The following ZSCAN2 variants were observed in gnomAD, a reference collection of about 807,000 sequenced individuals.
The protein encoded by ZSCAN2 is zinc finger and SCAN domain-containing protein 2.
In ZSCAN2, 26 loss-of-function variants were observed where a neutral mutation model predicts 47.8. The ratio of observed to expected loss-of-function variants is 0.54; its 90% CI spans 0.40 to 0.75. The LOEUF (loss-of-function observed/expected upper bound fraction) is 0.75, where lower values mean the gene tolerates loss of function less well. Ranked by LOEUF, ZSCAN2 falls within the 30% of genes least tolerant of loss-of-function variation. ZSCAN2 has a pLI of 0.00. For missense variants in ZSCAN2, 732 were observed against 785.4 expected, an observed-to-expected ratio of 0.93 and a Z score of 0.81; for synonymous variants, 305 against 288.7, an observed-to-expected ratio of 1.06 and a Z score of -0.57.
chr15:84,606,596 C>G, intron 2 of ZSCAN2: 5 of 1,613,896 alleles, frequency 3.1e-6, no homozygotes, highest in Non-Finnish European at 2.5e-6. Context: ...GATCTCCAGT[C>G]AGATACTATG....
At chr15:84,618,522 A>G (rs932916656) in intron 2 of ZSCAN2, among the ~76,000 whole-genome samples, 2 of 152,142 alleles carry the variant, frequency 1.3e-5, no homozygotes, top group Non-Finnish European at 2.9e-5. Context: ...AATGTCATCA[A>G]CAACTTCCTG....
chr15:84,602,465 A>G (rs1895235332), intron 1 of ZSCAN2, among the ~76,000 whole-genome samples: 1 of 152,144 alleles, frequency 6.6e-6, no homozygotes, highest in South Asian at 2.1e-4. Context: ...GCCATTGCCA[A>G]ATGAAGATAT....
At chr15:84,613,794 G>T (rs1027335717) in intron 2 of ZSCAN2, among the ~76,000 whole-genome samples, 1 of 151,192 alleles carries the variant, frequency 6.6e-6, no homozygotes, top group African/African-American at 2.4e-5. Context: ...CGATTCTCCT[G>T]CCTTAGCCTC....
In ZSCAN2 at chr15:84,621,766, A is replaced by C. The variant is rs1408587928; in HGVS notation, c.1571A>C (p.His524Pro). The change falls in exon 3 of 3, where the codon CAC becomes CCC. Residue 524 changes from histidine to proline, a missense_variant. By Grantham distance (77) the His-to-Pro change is moderately conservative (BLOSUM62 -2). Around this residue, in one of 2 missense-constraint regions of ZSCAN2, gnomAD observed 412 missense variants for 498.0 expected, o/e 0.83. Transcript: ENST00000546148. The surrounding 1 kb of genome is among the most constrained non-coding windows in gnomAD (Gnocchi z 5.7). The stretch of plus-strand genomic sequence containing the variant: ...CAGCTCGTAGTGCACCAGCGGACCC[A>C]CACGGGCGAGAAGCCCTACAAATGC... ...RSQLVVHQRT[H>P]TGEKPYKCLM... The C allele has an allele frequency of 6.2e-7, 1 of 1,614,246 alleles. No individual in the cohort carries two copies. Among genetic ancestry groups the C allele is most frequent in the Non-Finnish European group, 8.5e-7 (1 of 1,180,032 alleles).
chr15:84,606,728 T>G, intron 2 of ZSCAN2: 1 of 1,419,100 alleles, frequency 7.0e-7, no homozygotes, highest in Non-Finnish European at 9.2e-7. Flanking sequence ...CCATCCACCT[T>G]GCAGCAGGGG....
intron 2 of ZSCAN2, among the ~76,000 whole-genome samples, chr15:84,610,597 C>T (rs560416048): frequency 1.3e-5 from 2 of 151,794 alleles, no homozygotes; most frequent in African/African-American, 4.8e-5. Flanking sequence ...AGTGATTCTC[C>T]TGCCTCAGCC....
At chr15:84,607,633 C>G (rs1895422421) in intron 2 of ZSCAN2, among the ~76,000 whole-genome samples, 1 of 152,128 alleles carries the variant, frequency 6.6e-6, no homozygotes, top group East Asian at 1.9e-4. Context: ...CTCAGCCTCC[C>G]AAGTAGCTGG....
At position 84,604,376 on chromosome 15, in the gene ZSCAN2, C is replaced by T. The variant is rs764173842; in HGVS notation, c.406+43C>T. The T allele has an allele frequency of 6.4e-6, 10 of 1,561,774 alleles. No individual in the cohort carries two copies. In the Admixed American group the frequency reaches 1.8e-4, roughly 29 times the overall value. On this transcript the variant is annotated intron_variant, in intron 2 of 2. Transcript: ENST00000546148. ...ATAGGGAGAGGGCGGGAGCACCCTT[C>T]CAAGGTAGAGGAGTGTGGTGTTTCG...
rs1264261640 is a variant in ZSCAN2, at chr15:84,604,243, A to T, written c.316A>T (p.Ile106Phe). The T allele has an allele frequency of 6.2e-7, 1 of 1,614,146 alleles. No individual in the cohort carries two copies. The highest frequency in any genetic ancestry group is 1.1e-5 in the South Asian group (1 of 91,082). Reference sequence around the variant, plus strand: ...GATGTTAACCATGCTGCCAAAGGAAATTCAGGCTTGGCTGCAAGAGCATCG... The same window carrying T: ...GATGTTAACCATGCTGCCAAAGGAATTTCAGGCTTGGCTGCAAGAGCATCG... ...EQMLTMLPKE[I>F]QAWLQEHRPE... Residue 106 changes from isoleucine (I) to phenylalanine (F), a missense_variant, in exon 2 of 3, where the codon ATT becomes TTT. This residue lies in a region of ZSCAN2 where 320 missense variants were observed against 287.4 expected (regional missense o/e 1.11). Transcript: ENST00000546148.
intron 2 of ZSCAN2, 78 bp from the exon 3 acceptor site, chr15:84,620,523 TA>T: frequency 1.5e-6 from 2 of 1,308,902 alleles, no homozygotes; most frequent in Non-Finnish European, 2.1e-6. Context: ...TTAATTTTTA[TA>T]AATTTCCCCC....
chr15:84,621,523 A>C lies in ZSCAN2; in HGVS notation c.1328A>C (p.Glu443Ala), dbSNP rs1225784390. The C allele has an allele frequency of 3.7e-6, 6 of 1,613,874 alleles. No individual in the cohort carries two copies. Among genetic ancestry groups the C allele is most frequent in the Admixed American group, 3.3e-5 (2 of 59,976 alleles). Residue 443 changes from glutamate to alanine, a missense_variant, in exon 3 of 3, where the codon GAG (glutamate) becomes GCG (alanine). Physicochemically the swap from Glu to Ala is moderately radical, Grantham distance 107. This residue lies in a region of ZSCAN2 where 412 missense variants were observed against 498.0 expected (regional missense o/e 0.83). Transcript: ENST00000546148. This position sits in a 1 kb window ranked among gnomAD's most constrained non-coding sequence, Gnocchi z 5.7. ...ACACACCGGAGAACCCACATGGTGG[A>C]GAAGCCCTATAAGTGTGGGGTGTGT... ...LATHRRTHMV[E>A]KPYKCGVCGK...
intron 2 of ZSCAN2, among the ~76,000 whole-genome samples, chr15:84,617,090 C>G (rs1437614537): frequency 6.6e-6 from 1 of 150,772 alleles, no homozygotes; most frequent in South Asian, 2.1e-4. Context: ...CCACTGCACT[C>G]CAGCCTGGGC....
chr15:84,613,479 C>T (rs565640329), intron 2 of ZSCAN2, among the ~76,000 whole-genome samples: 4 of 152,088 alleles, frequency 2.6e-5, no homozygotes, highest in Admixed American at 6.6e-5. Context: ...CGCCACCACA[C>T]CCAGCTAATT....
intron 2 of ZSCAN2, chr15:84,614,545 C>T (rs574578548): frequency 1.3e-5 from 2 of 152,286 alleles, no homozygotes; most frequent in African/African-American, 4.8e-5. Context: ...GGTGTTCACC[C>T]CTCTAGCAGT....
chr15:84,616,380 C>G (rs1240274425), intron 2 of ZSCAN2: 1 of 1,609,216 alleles, frequency 6.2e-7, no homozygotes, highest in South Asian at 1.1e-5. Flanking sequence ...CCTCTCTGAA[C>G]CAAAGAAGCC....
At chr15:84,605,309 T>C (rs1444552163) in intron 2 of ZSCAN2, among the ~76,000 whole-genome samples, 1 of 152,202 alleles carries the variant, frequency 6.6e-6, no homozygotes, top group Non-Finnish European at 1.5e-5. Context: ...GAGGGCTGTC[T>C]CAGGGCTCGA....
intron 2 of ZSCAN2, among the ~76,000 whole-genome samples, chr15:84,619,287 G>C (rs1281217223): frequency 6.6e-6 from 1 of 152,064 alleles, no homozygotes; most frequent in Non-Finnish European, 1.5e-5. Context: ...AAAATTAGCC[G>C]GGTGTGGTGG....
intron 1 of ZSCAN2, chr15:84,602,270 G>A (rs1747616515): frequency 1.3e-5 from 2 of 152,086 alleles, no homozygotes; most frequent in Admixed American, 1.3e-4. Flanking sequence ...TTTTTAAAGG[G>A]AATTGAGGAC....
intron 2 of ZSCAN2, among the ~76,000 whole-genome samples, chr15:84,605,708 G>A (rs1895360450): frequency 6.6e-6 from 1 of 152,200 alleles, no homozygotes; most frequent in Admixed American, 6.5e-5. Flanking sequence ...TTTGATTAGG[G>A]TAGTGAGAGG....
Sources: gnomAD v4.1 joint callset for allele counts (sites outside exome capture counted in the v4.1 genomes callset) on GRCh38, gnomAD v4.1.1 for gene constraint, gnomAD v4.1.1 regional missense constraint, Gnocchi (gnomAD v3.1) non-coding constraint, MANE v1.5 for transcripts, NCBI Gene and HGNC (gene_info 2026-07-23, HGNC 2026-07-21) for gene names.